The following SPTBN4 variants were observed in gnomAD, a reference collection of about 807,000 sequenced individuals.
SPTBN4 encodes the protein spectrin beta, non-erythrocytic 4.
SPTBN4 carries 96 observed loss-of-function variants against 277.8 expected under a neutral mutation model. The observed-to-expected ratio is 0.35, with a 90% CI of 0.29 to 0.41. SPTBN4 has a LOEUF of 0.41. Among genes scored for constraint, SPTBN4 ranks in the 10% least tolerant of loss-of-function variants. The pLI, the probability that SPTBN4 is intolerant of heterozygous loss-of-function variation, is 1.00. For synonymous variants in SPTBN4, 1,481 were observed against 1,580.3 expected (o/e 0.94, Z 1.49); for missense variants, 3,006 against 3,595.7 (o/e 0.84, Z 4.19).
intron 12 of SPTBN4, among the ~76,000 whole-genome samples, chr19:40,505,760 A>AGGT (rs1157414788): frequency 4.6e-5 from 7 of 151,874 alleles, no homozygotes; most frequent in Admixed American, 2.0e-4. Context: ...GGAAGAAAGA[A>AGGT]AGGTGAACAG....
chr19:40,540,897 C>T (rs1435924127), intron 20 of SPTBN4, among the ~76,000 whole-genome samples: 2 of 150,228 alleles, frequency 1.3e-5, no homozygotes, highest in Non-Finnish European at 3.0e-5. Flanking sequence ...AAGTTAGAAC[C>T]ATCTTTAGCT....
chr19:40,502,227 A>G lies in SPTBN4; in HGVS notation c.997A>G (p.Ser333Gly), dbSNP rs779414216. The change falls in exon 9 of 36, where the codon AGC (serine) becomes GGC (glycine). Residue 333 changes from serine (S) to glycine (G), a missense_variant. By Grantham distance (56) the Ser-to-Gly change is moderately conservative. This residue lies in a region of SPTBN4 where 1,759 missense variants were observed against 2,061.5 expected (regional missense o/e 0.85). Coordinates refer to ENST00000598249, the MANE Select transcript of SPTBN4 (RefSeq NM_020971.3). The surrounding 1 kb of genome is among the most constrained non-coding windows in gnomAD (Gnocchi z 4.9). ...AWIHRTVGLISNQKFANSLSG... is the reference protein window; with the variant it reads ...AWIHRTVGLIGNQKFANSLSG... ...GATCCACCGCACCGTGGGCCTCATC[A>G]GCAATCAGAAATTTGCCAACTCCTT... 3 of 1,614,048 alleles carry G rather than the reference A, an allele frequency of 1.9e-6. No individual in the cohort carries two copies. Among genetic ancestry groups the G allele is most frequent in the Admixed American group, 3.3e-5 (2 of 60,010 alleles).
In SPTBN4 at chr19:40,513,063, G is replaced by A. The variant is rs2080411553; in HGVS notation, c.2274G>A (p.Leu758=). 1.4e-6 allele frequency: 2 copies of A among 1,420,160 alleles called. No homozygotes were observed. Among genetic ancestry groups the A allele is most frequent in the Non-Finnish European group, 1.8e-6 (2 of 1,094,592 alleles). The allele number at this position is 1,420,160 out of a possible 1,614,324, so 88.0% of individuals were successfully genotyped here. A position where few individuals can be genotyped will look rare whatever the true frequency, so the allele number is the denominator to read the frequency against. ...AASARRRWQR[L]EEAAARRERR... ...GCGCCCGGCGCCGCTGGCAGAGGCT[G>A]GAAGAGGCGGCGGCGCGGCGAGAGC... is the stretch of plus-strand genomic sequence containing the variant. Residue 758 remains leucine (L), a synonymous_variant, in exon 14 of 36, where the codon CTG becomes CTA. Coordinates refer to ENST00000598249, the MANE Select transcript of SPTBN4 (RefSeq NM_020971.3).
intron 2 of SPTBN4, among the ~76,000 whole-genome samples, chr19:40,475,051 G>A (rs2145802900): frequency 6.6e-6 from 1 of 152,168 alleles, no homozygotes; most frequent in African/African-American, 2.4e-5. Flanking sequence ...CTACTTTGAT[G>A]TATCAGAACA....
Position 40,472,783 on chromosome 19 carries a change from C to T in SPTBN4, c.162C>T (p.Ala54=). The T allele has an allele frequency of 3.6e-6, 5 of 1,408,348 alleles. No homozygotes were observed. The highest frequency in any genetic ancestry group is 3.8e-6 in the Non-Finnish European group (4 of 1,053,766). 87.2% of individuals were successfully genotyped at this position (1,408,348 alleles called of 1,614,324 possible). A position where few individuals can be genotyped will look rare whatever the true frequency, so the allele number is the denominator to read the frequency against. The change falls in exon 2 of 36, where the codon GCC becomes GCT. Residue 54 remains alanine, a synonymous_variant. Transcript: ENST00000598249. ...ASLFECSRIK[A]LADEREAVQK... is the part of the protein sequence containing the mutation. ...TCTTTGAGTGCTCCCGGATCAAGGC[C>T]TTGGCAGGTACCTGGAGGAGGGCTG...
intron 7 of SPTBN4, among the ~76,000 whole-genome samples, chr19:40,499,681 AGCCACAT>A (rs1413879109): frequency 6.6e-6 from 1 of 151,936 alleles, no homozygotes; most frequent in African/African-American, 2.4e-5. Flanking sequence ...TACAGGCCCG[AGCCACAT>A]GCCTGGCTTA....
chr19:40,533,190 T>G (rs2080697916), intron 19 of SPTBN4, among the ~76,000 whole-genome samples: 1 of 152,160 alleles, frequency 6.6e-6, no homozygotes, highest in South Asian at 2.1e-4. Context: ...CTATGCCTGT[T>G]ACCAGCTGTG....
intron 2 of SPTBN4, among the ~76,000 whole-genome samples, chr19:40,479,382 T>C (rs968711209): frequency 2.6e-5 from 4 of 152,184 alleles, no homozygotes; most frequent in African/African-American, 7.2e-5. Context: ...ACTACTGTCA[T>C]TGATCTGTGT....
chr19:40,537,144 G>A (rs1673095), intron 20 of SPTBN4, among the ~76,000 whole-genome samples: 65,718 of 151,946 alleles, frequency 0.43, 15,068 homozygotes, highest in African/African-American at 0.47. Flanking sequence ...GGAGTAGCTG[G>A]GATTACAGGC....
rs746505169 is a variant in SPTBN4, at chr19:40,504,121, G to A, written c.1654G>A (p.Glu552Lys). The A allele has an allele frequency of 3.2e-6, 5 of 1,543,256 alleles. No homozygotes were observed. Among genetic ancestry groups the A allele is most frequent in the Non-Finnish European group, 4.4e-6 (5 of 1,131,602 alleles). The change falls in exon 12 of 36, where the codon GAG becomes AAG. Residue 552 changes from glutamate (E) to lysine (K), a missense_variant. Glu to Lys is a moderately conservative substitution (Grantham distance 56). Transcript: ENST00000598249. ...QEMVYMVDWMEEMQAQLLSRE... is the reference protein window; with the variant it reads ...QEMVYMVDWMKEMQAQLLSRE... ...GATGGTGTACATGGTGGACTGGATGGAGGAGATGCAGGTGCCGGCGGGGGG... is the reference window on the plus strand; with the variant it reads ...GATGGTGTACATGGTGGACTGGATGAAGGAGATGCAGGTGCCGGCGGGGGG...
At chr19:40,496,278 T>C (rs1231670701) in intron 6 of SPTBN4, among the ~76,000 whole-genome samples, 1 of 152,032 alleles carries the variant, frequency 6.6e-6, no homozygotes, top group Non-Finnish European at 1.5e-5. Flanking sequence ...GCGTCCTGAG[T>C]AGCTAGGATT....
At chr19:40,487,881 C>T in intron 3 of SPTBN4, 33 bp downstream of exon 3, 2 of 1,547,046 alleles carry the variant, frequency 1.3e-6, no homozygotes, top group African/African-American at 1.4e-5. Flanking sequence ...GGCAGGGGTC[C>T]TCCCTGGGGT....
At chr19:40,513,652 A>C in intron 14 of SPTBN4, 98 bp downstream of exon 14, 17 of 1,235,200 alleles carry the variant, frequency 1.4e-5, no homozygotes, top group Non-Finnish European at 1.7e-5. Flanking sequence ...AGCTGGAACT[A>C]GGAGTTCCAA....
Position 40,502,104 on chromosome 19 carries a change from AC to A in SPTBN4, c.898-18del. The A allele has an allele frequency of 6.2e-7, 1 of 1,612,650 alleles. No homozygotes were observed. On this transcript the variant is annotated intron_variant, in intron 8 of 35. Coordinates refer to ENST00000598249, the MANE Select transcript of SPTBN4 (RefSeq NM_020971.3). The surrounding 1 kb of genome is among the most constrained non-coding windows in gnomAD (Gnocchi z 4.9). ...GGCAGGCACGGGTGGGATGAGGCTG[AC>A]CCCCCTTCCTCTGCTGTGTCAGGTC... is the stretch of plus-strand genomic sequence containing the variant.
At chr19:40,550,810 C>T (rs894892797) in intron 22 of SPTBN4, among the ~76,000 whole-genome samples, 1 of 152,150 alleles carries the variant, frequency 6.6e-6, no homozygotes, top group African/African-American at 2.4e-5. Flanking sequence ...TGAGCCACCG[C>T]GCCCGGCCTG....
At chr19:40,504,986 G>A (rs1018514562) in intron 12 of SPTBN4, among the ~76,000 whole-genome samples, 4 of 152,004 alleles carry the variant, frequency 2.6e-5, no homozygotes, top group African/African-American at 9.7e-5. Context: ...AGACACAAAG[G>A]TGACATGGAA....
At chr19:40,480,249 CT>C (rs1466649130) in intron 2 of SPTBN4, among the ~76,000 whole-genome samples, 2 of 114,016 alleles carry the variant, frequency 1.8e-5, no homozygotes, top group Non-Finnish European at 3.4e-5. Context: ...GAGACTCCGT[CT>C]CAAAAAAAAA....
At chr19:40,496,888 C>G (rs897331152) in intron 6 of SPTBN4, among the ~76,000 whole-genome samples, 2 of 151,876 alleles carry the variant, frequency 1.3e-5, no homozygotes, top group African/African-American at 4.8e-5. Flanking sequence ...GCCTGGCCAA[C>G]ATGGTGAAAC....
chr19:40,487,649 G>A, intron 2 of SPTBN4, 48 bp from the exon 3 acceptor site: 2 of 1,571,914 alleles, frequency 1.3e-6, no homozygotes, highest in Non-Finnish European at 1.7e-6. Context: ...GCGGAGGGCT[G>A]GGGTGAAGGT....
Sources: allele counts gnomAD v4.1 joint callset (sites outside exome capture counted in the v4.1 genomes callset), GRCh38; gene constraint gnomAD v4.1.1; regional missense constraint gnomAD v4.1.1; non-coding constraint Gnocchi (gnomAD v3.1); transcripts MANE v1.5; gene names NCBI Gene and HGNC (gene_info 2026-07-23, HGNC 2026-07-21).